MMP26: variants seen among roughly 807,000 people sequenced by gnomAD.
MMP26 encodes the protein matrix metallopeptidase 26.
In MMP26, 33 loss-of-function variants were observed where a neutral mutation model predicts 31.0. That is an observed-to-expected ratio of 1.06 (90% confidence interval 0.81 to 1.42). MMP26 has a LOEUF of 1.42. MMP26 is among the 40% of genes most tolerant of loss of function. The pLI, the probability that MMP26 is intolerant of heterozygous loss-of-function variation, is 0.00. For synonymous variants in MMP26, 122 were observed against 114.9 expected, an observed-to-expected ratio of 1.06 and a Z score of -0.40; for missense variants, 347 against 316.1, an observed-to-expected ratio of 1.10 and a Z score of -0.74.
chr11:4,843,132 G>T (rs924434612), intron 2 of MMP26, among the ~76,000 whole-genome samples: 6 of 152,204 alleles, frequency 3.9e-5, no homozygotes, highest in Non-Finnish European at 5.9e-5. Context: ...GCTTTCACAG[G>T]CTGGCTTTGA....
intron 2 of MMP26, among the ~76,000 whole-genome samples, chr11:4,865,032 T>C (rs1850215725): frequency 6.6e-6 from 1 of 152,144 alleles, no homozygotes; most frequent in Non-Finnish European, 1.5e-5. Context: ...GCATTCCTTG[T>C]TAGCTATTAT....
intron 2 of MMP26, among the ~76,000 whole-genome samples, chr11:4,974,538 A>G (rs1359190538): frequency 6.6e-6 from 1 of 151,990 alleles, no homozygotes; most frequent in Non-Finnish European, 1.5e-5. Flanking sequence ...AGAATCATTC[A>G]TCCTCTATTA....
chr11:4,848,786 TG>T (rs1849923627), intron 2 of MMP26: 2 of 1,614,006 alleles, frequency 1.2e-6, no homozygotes, highest in African/African-American at 2.7e-5. Flanking sequence ...TGAGGAGCGC[TG>T]GGTAGTGGAG....
intron 2 of MMP26, among the ~76,000 whole-genome samples, chr11:4,789,826 G>A (rs1343725554): frequency 6.6e-6 from 1 of 151,816 alleles, no homozygotes; most frequent in Admixed American, 6.6e-5. Flanking sequence ...CTTCACAGGT[G>A]TGAAGGATAT....
At chr11:4,781,793 TG>T (rs1848868007) in intron 2 of MMP26, among the ~76,000 whole-genome samples, 1 of 152,114 alleles carries the variant, frequency 6.6e-6, no homozygotes, top group Non-Finnish European at 1.5e-5. Flanking sequence ...GATTGAATTA[TG>T]GGGGCAGGTC....
chr11:4,923,289 C>T (rs146344419), intron 2 of MMP26: 98 of 1,383,218 alleles, frequency 7.1e-5, no homozygotes, highest in Admixed American at 9.4e-5. Context: ...TGACAGTCAA[C>T]GGTTTATTAT....
At chr11:4,745,785 T>A (rs1848372423) in intron 1 of MMP26, among the ~76,000 whole-genome samples, 1 of 152,194 alleles carries the variant, frequency 6.6e-6, no homozygotes, top group South Asian at 2.1e-4. Flanking sequence ...TCCCCACTCC[T>A]GGAAACCATT....
intron 2 of MMP26, chr11:4,914,544 A>AC (rs11318208): frequency 0.064 from 34,725 of 540,742 alleles, 1,101 homozygotes; most frequent in South Asian, 0.17. Flanking sequence ...ATTACATTTT[A>AC]CCCCCCCCTG....
rs1181624221 is a variant in MMP26 at position 4,949,600 on chromosome 11, A to G, written c.-144-38468A>G. On this transcript the variant is annotated intron_variant, in intron 2 of 7. Coordinates refer to ENST00000380390, the MANE Select transcript of MMP26 (RefSeq NM_021801.5). ...AAATTATAGGTTAAATTTATTTATT[A>G]GGAAATAAGAGTTGAAAAATCAAAA... is the stretch of plus-strand genomic sequence containing the variant. Among the ~76,000 whole-genome samples, 2 of 122,982 alleles carry G rather than the reference A, an allele frequency of 1.6e-5. 1 individual carries two copies. Among genetic ancestry groups the G allele is most frequent in the Non-Finnish European group, 3.7e-5 (2 of 54,314 alleles). The allele number at this position is 122,982 out of a possible 152,430, so 80.7% of individuals were successfully genotyped here.
At chr11:4,920,589 G>T (rs1041964737) in intron 2 of MMP26, among the ~76,000 whole-genome samples, 1 of 152,140 alleles carries the variant, frequency 6.6e-6, no homozygotes, top group African/African-American at 2.4e-5. Flanking sequence ...AATGATAATA[G>T]CAAAGATCAT....
At chr11:4,911,988 C>T (rs570713535) in intron 2 of MMP26, among the ~76,000 whole-genome samples, 31 of 152,250 alleles carry the variant, frequency 2.0e-4, no homozygotes, top group African/African-American at 6.7e-4. Context: ...CTAAGGCAAC[C>T]GCTCTAGAAA....
At chr11:4,930,244 T>G (rs147212642) in intron 2 of MMP26, among the ~76,000 whole-genome samples, 1 of 152,044 alleles carries the variant, frequency 6.6e-6, no homozygotes, top group Non-Finnish European at 1.5e-5. Context: ...TCAGTCTAAT[T>G]TGGTGTAATA....
At chr11:4,867,027 C>T (rs552503067) in intron 2 of MMP26, among the ~76,000 whole-genome samples, 10 of 152,024 alleles carry the variant, frequency 6.6e-5, no homozygotes, top group African/African-American at 2.2e-4. Flanking sequence ...GCATGAGGAA[C>T]GATTTCATGA....
chr11:4,743,880 A>T (rs1848346037), intron 1 of MMP26, among the ~76,000 whole-genome samples: 1 of 152,160 alleles, frequency 6.6e-6, no homozygotes, highest in Non-Finnish European at 1.5e-5. Context: ...ATCATAGCTC[A>T]CTGCAGCCTT....
At position 4,734,728 on chromosome 11, in the gene MMP26, G is replaced by C. The variant is rs1473992359; in HGVS notation, c.-217+29683G>C. Among the ~76,000 whole-genome samples, 5 of 152,110 alleles carry C rather than the reference G, an allele frequency of 3.3e-5. 1 individual carries two copies. The highest frequency in any genetic ancestry group is 1.5e-5 in the Non-Finnish European group (1 of 68,044). On this transcript the variant is annotated intron_variant, in intron 1 of 7. Transcript: ENST00000380390. ...TGTTAATTTCTAACTTAATTCCCCT[G>C]TGTCCCTTTCCTCTTGGACTTACAC...
chr11:4,750,625 T>C (rs1209674612), intron 1 of MMP26, among the ~76,000 whole-genome samples: 1 of 152,000 alleles, frequency 6.6e-6, no homozygotes. Context: ...TGCAGTAACA[T>C]TGATGGGACT....
At chr11:4,892,242 G>A (rs1037644165) in intron 2 of MMP26, among the ~76,000 whole-genome samples, 1 of 152,024 alleles carries the variant, frequency 6.6e-6, no homozygotes, top group African/African-American at 2.4e-5. Context: ...GTCATAATCT[G>A]GATATCAGCC....
chr11:4,949,093 T>C (rs1004362195), intron 2 of MMP26, among the ~76,000 whole-genome samples: 1 of 124,962 alleles, frequency 8.0e-6, no homozygotes, highest in Non-Finnish European at 1.8e-5. Context: ...TAAAGTAAGC[T>C]ACAGTAAGAC....
At chr11:4,744,104 T>A (rs1451811433) in intron 1 of MMP26, among the ~76,000 whole-genome samples, 1 of 152,142 alleles carries the variant, frequency 6.6e-6, no homozygotes, top group South Asian at 2.1e-4. Flanking sequence ...CTAGCAGGAC[T>A]ATTCTTACTC....
Sources: gnomAD v4.1 joint callset for allele counts (sites outside exome capture counted in the v4.1 genomes callset) on GRCh38, gnomAD v4.1.1 for gene constraint, MANE v1.5 for transcripts, NCBI Gene and HGNC (gene_info 2026-07-23, HGNC 2026-07-21) for gene names.